CTIF: variants seen among roughly 807,000 people sequenced by gnomAD.
CTIF encodes CBP80/20-dependent translation initiation factor.
Under a neutral mutation model 66.0 loss-of-function variants are expected in CTIF, and 21 were observed. The ratio of observed to expected loss-of-function variants is 0.32; its 90% CI spans 0.23 to 0.46. The LOEUF (loss-of-function observed/expected upper bound fraction) is 0.46, where lower values mean the gene tolerates loss of function less well. Ranked by LOEUF, CTIF falls within the 20% of genes least tolerant of loss-of-function variation. The pLI is 1.00. For missense variants in CTIF, 739 were observed against 812.7 expected (o/e 0.91, Z 1.10); for synonymous variants, 345 against 326.4 (o/e 1.06, Z -0.62).
At chr18:48,581,868 G>A (rs554100966) in intron 1 of CTIF, among the ~76,000 whole-genome samples, 53 of 152,254 alleles carry the variant, frequency 3.5e-4, no homozygotes, top group African/African-American at 1.2e-3. Flanking sequence ...AGTGGCAAAG[G>A]GAATGGTTTG....
At chr18:48,814,803 T>C (rs2068328070) in intron 9 of CTIF, among the ~76,000 whole-genome samples, 1 of 152,212 alleles carries the variant, frequency 6.6e-6, no homozygotes, top group Admixed American at 6.5e-5. Context: ...TCAAAGATGC[T>C]GGGCACGCAC....
chr18:48,690,451 A>G (rs2091910203), intron 6 of CTIF, among the ~76,000 whole-genome samples: 1 of 152,046 alleles, frequency 6.6e-6, no homozygotes, highest in Non-Finnish European at 1.5e-5. Context: ...CCTCTCATGC[A>G]CGGTCATCCC....
intron 8 of CTIF, among the ~76,000 whole-genome samples, chr18:48,759,286 A>G (rs1379381286): frequency 6.6e-6 from 1 of 152,176 alleles, no homozygotes; most frequent in African/African-American, 2.4e-5. Flanking sequence ...AGCAGGGCCT[A>G]CAGAGGCTTC....
At chr18:48,540,501 T>C (rs2088583125) in intron 1 of CTIF, among the ~76,000 whole-genome samples, 1 of 145,098 alleles carries the variant, frequency 6.9e-6, no homozygotes, top group African/African-American at 2.6e-5. Context: ...TCTCTATTGA[T>C]GGTAAAAGAC....
intron 9 of CTIF, among the ~76,000 whole-genome samples, chr18:48,779,696 C>T (rs919990449): frequency 2.6e-5 from 4 of 152,176 alleles, no homozygotes; most frequent in Admixed American, 6.5e-5. Context: ...CCTGTCTTGC[C>T]GGGGGTGGGG....
intron 6 of CTIF, among the ~76,000 whole-genome samples, chr18:48,677,214 C>G (rs898214422): frequency 3.3e-5 from 5 of 152,180 alleles, no homozygotes; most frequent in Admixed American, 1.3e-4. Context: ...TCCTGAAAAC[C>G]ATGCCCCACC....
At chr18:48,678,311 C>T (rs922564492) in intron 6 of CTIF, among the ~76,000 whole-genome samples, 4 of 152,130 alleles carry the variant, frequency 2.6e-5, no homozygotes, top group African/African-American at 9.7e-5. Flanking sequence ...TTTAATCAGA[C>T]AGGTTTGTAG....
At chr18:48,651,121 C>T (rs1218495668) in intron 3 of CTIF, among the ~76,000 whole-genome samples, 3 of 152,178 alleles carry the variant, frequency 2.0e-5, no homozygotes, top group Non-Finnish European at 4.4e-5. Flanking sequence ...ATCATAATGA[C>T]AGGATCAAAT....
At chr18:48,695,313 A>T (rs894373734) in intron 6 of CTIF, among the ~76,000 whole-genome samples, 3 of 152,200 alleles carry the variant, frequency 2.0e-5, no homozygotes, top group African/African-American at 7.2e-5. Flanking sequence ...ATCAATCAGC[A>T]TTTGTTGAGT....
At chr18:48,666,065 A>G (rs1489458483) in intron 5 of CTIF, among the ~76,000 whole-genome samples, 1 of 152,202 alleles carries the variant, frequency 6.6e-6, no homozygotes, top group Admixed American at 6.5e-5. Flanking sequence ...CTGCATTCAT[A>G]CCAGCAATGT....
In CTIF at chr18:48,800,438, A is replaced by G. The variant is rs1599070445; in HGVS notation, c.1372-16783A>G. ...ATCTGCCCCCATCTCCAGCCAGCCC[A>G]TCACATTCCCCACCCTCAGTCCCCT... On this transcript the variant is annotated intron_variant, in intron 9 of 11. Coordinates refer to ENST00000256413, the MANE Select transcript of CTIF (RefSeq NM_014772.3). 2.0e-5 allele frequency among the ~76,000 whole-genome samples: 3 copies of G among 152,180 alleles called. 1 individual carries two copies. In the South Asian group the frequency reaches 6.2e-4, roughly 32 times the overall value.
At position 48,860,410 on chromosome 18, in the gene CTIF, C is replaced by G. The variant is rs1384868362; in HGVS notation, c.*851C>G. ...GAAGAAGGATTCGAGCCACAGACAGCTTGCCAGTAGCCAATTAGGGTAATT... is the reference window on the plus strand; with the variant it reads ...GAAGAAGGATTCGAGCCACAGACAGGTTGCCAGTAGCCAATTAGGGTAATT... On this transcript the variant is annotated 3_prime_UTR_variant, in exon 12 of 12. Coordinates refer to ENST00000256413, the MANE Select transcript of CTIF (RefSeq NM_014772.3). 3 of 160,208 alleles carry G rather than the reference C, an allele frequency of 1.9e-5. No homozygotes were observed. Among genetic ancestry groups the G allele is most frequent in the African/African-American group, 7.2e-5 (3 of 41,666 alleles). 9.9% of individuals were successfully genotyped at this position (160,208 alleles called of 1,614,324 possible).
At chr18:48,540,935 A>C (rs939184561) in intron 1 of CTIF, among the ~76,000 whole-genome samples, 6 of 152,006 alleles carry the variant, frequency 3.9e-5, no homozygotes, top group African/African-American at 1.4e-4. Flanking sequence ...TCTTCGGTGC[A>C]GGAGTCCCAG....
chr18:48,592,186 G>T (rs2089899787), intron 1 of CTIF, among the ~76,000 whole-genome samples: 1 of 151,768 alleles, frequency 6.6e-6, no homozygotes, highest in Non-Finnish European at 1.5e-5. Flanking sequence ...AGAGACCCCA[G>T]CTTCCTGGGT....
intron 1 of CTIF, among the ~76,000 whole-genome samples, chr18:48,600,211 G>A (rs2090066082): frequency 6.6e-6 from 1 of 152,070 alleles, no homozygotes; most frequent in East Asian, 1.9e-4. Flanking sequence ...GGAGCTCCCA[G>A]GGTGGGGAGC....
intron 9 of CTIF, among the ~76,000 whole-genome samples, chr18:48,770,079 G>T (rs539184529): frequency 6.6e-6 from 1 of 152,162 alleles, no homozygotes; most frequent in Non-Finnish European, 1.5e-5. Flanking sequence ...GCCGATGACC[G>T]GATCATAAAC....
intron 7 of CTIF, among the ~76,000 whole-genome samples, chr18:48,750,999 A>G (rs1907757804): frequency 6.6e-6 from 1 of 152,078 alleles, no homozygotes; most frequent in African/African-American, 2.4e-5. Flanking sequence ...CAAGTTTCTT[A>G]CCCTTTCTGT....
chr18:48,620,707 G>A (rs299704), intron 2 of CTIF, among the ~76,000 whole-genome samples: 30,840 of 152,102 alleles, frequency 0.2, 3,322 homozygotes, highest in Non-Finnish European at 0.23. Context: ...CTGGGGATCC[G>A]CCTCTCGTGC....
At chr18:48,778,806 C>T (rs1910937874) in intron 9 of CTIF, among the ~76,000 whole-genome samples, 1 of 152,150 alleles carries the variant, frequency 6.6e-6, no homozygotes, top group Non-Finnish European at 1.5e-5. Flanking sequence ...GAACTGGAGG[C>T]GTTCTGGGGG....
Sources: allele counts gnomAD v4.1 joint callset (sites outside exome capture counted in the v4.1 genomes callset), GRCh38; gene constraint gnomAD v4.1.1; transcripts MANE v1.5; gene names NCBI Gene and HGNC (gene_info 2026-07-23, HGNC 2026-07-21).